Variants in ATXN2L observed in about 807,000 individuals in gnomAD.
ATXN2L encodes ataxin-2-like protein.
In ATXN2L, 24 loss-of-function variants were observed where a neutral mutation model predicts 120.7. That is an observed-to-expected ratio of 0.20 (90% CI 0.14 to 0.28). The LOEUF is 0.28. ATXN2L is among the 10% of genes least tolerant of loss of function. The pLI, the probability that ATXN2L is intolerant of heterozygous loss-of-function variation, is 1.00. For missense variants in ATXN2L, 1,312 were observed against 1,432.3 expected, an observed-to-expected ratio of 0.92 and a Z score of 1.36; for synonymous variants, 653 against 568.1, an observed-to-expected ratio of 1.15 and a Z score of -2.13.
At position 28,823,166 on chromosome 16, in the gene ATXN2L, A is replaced by G; in HGVS notation, c.-94A>G. 3.5e-6 allele frequency: 2 copies of G among 571,858 alleles called. No individual in the cohort carries two copies. Among genetic ancestry groups the G allele is most frequent in the Non-Finnish European group, 4.5e-6 (2 of 445,330 alleles). 35.4% of individuals were successfully genotyped at this position (571,858 alleles called of 1,614,324 possible). A position where few individuals can be genotyped will look rare whatever the true frequency, so the allele number is the denominator to read the frequency against. On this transcript the variant is annotated 5_prime_UTR_variant, in exon 1 of 22. Transcript: ENST00000336783. ...GCCCACGGCGGGCCCCGGCTGCCCGATCCCCCTCGCTTCCCGCGCTCTCCA... is the reference window on the plus strand; with the variant it reads ...GCCCACGGCGGGCCCCGGCTGCCCGGTCCCCCTCGCTTCCCGCGCTCTCCA...
intron 5 of ATXN2L, chr16:28,826,602 CCTGT>C (rs2052115967): frequency 1.7e-6 from 1 of 597,946 alleles, no homozygotes; most frequent in Non-Finnish European, 2.8e-6. Context: ...GCGATGAATT[CCTGT>C]CTGTGTTGTG....
intron 12 of ATXN2L, 115 bp from the exon 13 acceptor site, chr16:28,832,702 C>T (rs2054960091): frequency 1.4e-6 from 2 of 1,408,536 alleles, no homozygotes; most frequent in South Asian, 2.5e-5. Context: ...CTTCTGTGAT[C>T]CTCAAGAGTT....
chr16:28,829,514 A>AG, intron 7 of ATXN2L, 22 bp downstream of exon 7: 1 of 1,513,234 alleles, frequency 6.6e-7, no homozygotes, highest in Non-Finnish European at 9.2e-7. Context: ...GGTGCTCTCC[A>AG]GGTGATGTGT....
chr16:28,836,807 C>G lies in ATXN2L; in HGVS notation c.*542C>G, dbSNP rs757217898. ...TGTCCTGGCCGCGACCTGAGACCTC[C>G]ATGAGTGGAGGGAAGAGTGATCTAT... On this transcript the variant is annotated 3_prime_UTR_variant, in exon 22 of 22. Coordinates refer to ENST00000336783, the MANE Select transcript of ATXN2L (RefSeq NM_007245.4). 2.5e-6 allele frequency: 4 copies of G among 1,613,648 alleles called. No homozygotes were observed. The South Asian group carries it at 4.4e-5, about 18-fold the overall frequency.
rs1596831581 is a variant in ATXN2L at position 28,823,517 on chromosome 16, A to C, written c.258A>C (p.Gln86His). Residue 86 changes from glutamine (Q) to histidine (H), a missense_variant, in exon 1 of 22, where the codon CAA becomes CAC. Physicochemically the swap from Gln to His is conservative, Grantham distance 24. Transcript: ENST00000336783. ...CGCCGCAGCCGCCGCCGCCGCAGCA[A>C]CACCAGGAGAGGCCGGGGGCAGCCG... ...ILAPQPPPPQ[Q>H]HQERPGAAAI... is the part of the protein sequence containing the mutation. 7.2e-7 allele frequency: 1 copy of C among 1,386,394 alleles called. No individual in the cohort carries two copies. Among genetic ancestry groups the C allele is most frequent in the East Asian group, 3.1e-5 (1 of 32,548 alleles). The allele number at this position is 1,386,394 out of a possible 1,614,324, so 85.9% of individuals were successfully genotyped here. A position where few individuals can be genotyped will look rare whatever the true frequency, so the allele number is the denominator to read the frequency against.
chr16:28,833,368 G>C lies in ATXN2L; in HGVS notation c.1955+14G>C. On this transcript the variant is annotated intron_variant, in intron 14 of 21. Transcript: ENST00000336783. ...CCCTGTTGCTGAGTGAGTGGAGCGG[G>C]GTGGGGCTCTGGGAGGATGGCAGGA... The C allele has an allele frequency of 6.2e-7, 1 of 1,613,658 alleles. No homozygotes were observed. Among genetic ancestry groups the C allele is most frequent in the Non-Finnish European group, 8.5e-7 (1 of 1,179,616 alleles).
chr16:28,834,746 C>G, intron 18 of ATXN2L, 53 bp downstream of exon 18: 1 of 1,542,670 alleles, frequency 6.5e-7, no homozygotes, highest in Non-Finnish European at 8.8e-7. Context: ...CTAGGGATCC[C>G]ATCTTCTCCA....
chr16:28,826,974 C>T lies in ATXN2L; in HGVS notation c.729C>T (p.Leu243=), dbSNP rs1357161933. ...GGDSNSDDYD[L]ESDMSNGWDP... ...ACAGCAACAGCGACGACTATGACCT[C>T]GAGTCTGACATGGTATAGCCTCCTT... The change falls in exon 6 of 22, where the codon CTC becomes CTT. Residue 243 remains leucine, a synonymous_variant. Coordinates refer to ENST00000336783, the MANE Select transcript of ATXN2L (RefSeq NM_007245.4). The T allele has an allele frequency of 3.9e-6, 6 of 1,557,338 alleles. No individual in the cohort carries two copies. Among genetic ancestry groups the T allele is most frequent in the Non-Finnish European group, 5.2e-6 (6 of 1,145,940 alleles).
chr16:28,832,830 G>C lies in ATXN2L; in HGVS notation c.1602G>C (p.Gln534His), dbSNP rs1197746963. The change falls in exon 13 of 22, where the codon CAG becomes CAC. Residue 534 changes from glutamine (Q) to histidine (H), a missense_variant. Gln to His is a conservative substitution (Grantham distance 24, BLOSUM62 0). Transcript: ENST00000336783. ...GTTTTCTCATAGTCCCTGGTCTTCA[G>C]AATGAACAGAAACGATTCCAACTGG... is the stretch of plus-strand genomic sequence containing the variant. ...ARIAGKVPGL[Q>H]NEQKRFQLEE... is the part of the protein sequence containing the mutation. 6.2e-7 allele frequency: 1 copy of C among 1,614,156 alleles called. No individual in the cohort carries two copies. The highest frequency in any genetic ancestry group is 8.5e-7 in the Non-Finnish European group (1 of 1,180,016).
intron 5 of ATXN2L, 74 bp downstream of exon 5, chr16:28,826,464 A>G (rs906695941): frequency 1.3e-6 from 2 of 1,511,606 alleles, no homozygotes; most frequent in South Asian, 1.2e-5. Flanking sequence ...GTGCAGGTGG[A>G]ACATGGTGAT....
Position 28,836,797 on chromosome 16 carries a change from C to T in ATXN2L, c.*532C>T. 2 of 1,613,948 alleles carry T rather than the reference C, an allele frequency of 1.2e-6. No homozygotes were observed. The highest frequency in any genetic ancestry group is 8.5e-7 in the Non-Finnish European group (1 of 1,179,940). ...AACTGAAGATTGTCCTGGCCGCGAC[C>T]TGAGACCTCCATGAGTGGAGGGAAG... On this transcript the variant is annotated 3_prime_UTR_variant, in exon 22 of 22. Coordinates refer to ENST00000336783, the MANE Select transcript of ATXN2L (RefSeq NM_007245.4).
rs1185797982 is a variant in ATXN2L, at chr16:28,824,446, C to A, written c.299+888C>A. Reference sequence around the variant, plus strand: ...TGGATGGCTTTTGCGGCTGCGCTGTCCCCCAGCCCCGCCAGCGGCCCCCTC... The same window carrying A: ...TGGATGGCTTTTGCGGCTGCGCTGTACCCCAGCCCCGCCAGCGGCCCCCTC... On this transcript the variant is annotated intron_variant, in intron 1 of 21. Coordinates refer to ENST00000336783, the MANE Select transcript of ATXN2L (RefSeq NM_007245.4). 3 of 1,286,588 alleles carry A rather than the reference C, an allele frequency of 2.3e-6. No individual in the cohort carries two copies. In the Admixed American group the frequency reaches 6.9e-5, roughly 30 times the overall value. The allele number at this position is 1,286,588 out of a possible 1,614,324, so 79.7% of individuals were successfully genotyped here.
Position 28,823,083 on chromosome 16 carries a change from C to G in ATXN2L, c.-177C>G, listed in dbSNP as rs895901189. 2.4e-5 allele frequency: 7 copies of G among 293,502 alleles called. 1 individual carries two copies. Among genetic ancestry groups the G allele is most frequent in the Non-Finnish European group, 3.7e-5 (6 of 163,836 alleles). 18.2% of individuals were successfully genotyped at this position (293,502 alleles called of 1,614,324 possible). A position where few individuals can be genotyped will look rare whatever the true frequency, so the allele number is the denominator to read the frequency against. ...CCCCCTCCCCTTCCGCCTCGCGGCG[C>G]TTCCTCGCGCCGCGGTCTTCTCTCT... is the stretch of plus-strand genomic sequence containing the variant. On this transcript the variant is annotated 5_prime_UTR_variant, in exon 1 of 22. Coordinates refer to ENST00000336783, the MANE Select transcript of ATXN2L (RefSeq NM_007245.4).
In ATXN2L at chr16:28,823,498, A is replaced by G; in HGVS notation, c.239A>G (p.Gln80Arg). 1 of 1,381,944 alleles carries G rather than the reference A, an allele frequency of 7.2e-7. No homozygotes were observed. Among genetic ancestry groups the G allele is most frequent in the Non-Finnish European group, 9.3e-7 (1 of 1,070,510 alleles). The allele number at this position is 1,381,944 out of a possible 1,614,324, so 85.6% of individuals were successfully genotyped here. ...RRGAEGILAP[Q>R]PPPPQQHQER... ...GGAGCCGAAGGCATCTTGGCGCCGC[A>G]GCCGCCGCCGCCGCAGCAACACCAG... The change falls in exon 1 of 22, where the codon CAG (glutamine) becomes CGG (arginine). Residue 80 changes from glutamine (Q) to arginine (R), a missense_variant. Transcript: ENST00000336783.
At position 28,832,802 on chromosome 16, in the gene ATXN2L, A is replaced by T. The variant is rs1330591272; in HGVS notation, c.1589-15A>T. On this transcript the variant is annotated splice_polypyrimidine_tract_variant and intron_variant, in intron 12 of 21. Coordinates refer to ENST00000336783, the MANE Select transcript of ATXN2L (RefSeq NM_007245.4). ...AATGTTTTGTATTTTCTTCTTTTTG[A>T]CTGTTTTCTCATAGTCCCTGGTCTT... 5 of 1,613,318 alleles carry T rather than the reference A, an allele frequency of 3.1e-6. No individual in the cohort carries two copies. The highest frequency in any genetic ancestry group is 3.4e-6 in the Non-Finnish European group (4 of 1,179,492).
rs199783180 is a variant in ATXN2L, at chr16:28,829,458, A to G, written c.799A>G (p.Lys267Glu). ...GTTCAATGAGGAGAACTACGGTGTG[A>G]AGACTACCTATGATAGCAGTCTTTC... ...FKFNEENYGV[K>E]TTYDSSLSSY... is the part of the protein sequence containing the mutation. Residue 267 changes from lysine (K) to glutamate (E), a missense_variant, in exon 7 of 22, where the codon AAG becomes GAG. Physicochemically the swap from Lys to Glu is moderately conservative, Grantham distance 56. Transcript: ENST00000336783. 6.2e-7 allele frequency: 1 copy of G among 1,612,400 alleles called. No homozygotes were observed. The highest frequency in any genetic ancestry group is 8.5e-7 in the Non-Finnish European group (1 of 1,178,400).
intron 20 of ATXN2L, 72 bp downstream of exon 20, chr16:28,835,471 G>T: frequency 6.2e-7 from 1 of 1,611,104 alleles, no homozygotes; most frequent in Non-Finnish European, 8.5e-7. Flanking sequence ...TAGAGCTAGG[G>T]GTCATTTCTG....
At chr16:28,835,870 C>G (rs1186527937) in intron 21 of ATXN2L, 63 bp from the exon 22 acceptor site, 1 of 1,573,150 alleles carries the variant, frequency 6.4e-7, no homozygotes, top group Non-Finnish European at 8.7e-7. Flanking sequence ...CTCCCTAACT[C>G]TGGCTCTCAG....
chr16:28,836,834 T>C lies in ATXN2L; in HGVS notation c.*569T>C, dbSNP rs934230281. The C allele has an allele frequency of 6.2e-7, 1 of 1,604,588 alleles. No individual in the cohort carries two copies. The highest frequency in any genetic ancestry group is 8.5e-7 in the Non-Finnish European group (1 of 1,172,370). Reference sequence around the variant, plus strand: ...TGAGTGGAGGGAAGAGTGATCTATGTCTCTTCCCCCAGCAGCTCGGACCAC... The same window carrying C: ...TGAGTGGAGGGAAGAGTGATCTATGCCTCTTCCCCCAGCAGCTCGGACCAC... On this transcript the variant is annotated 3_prime_UTR_variant, in exon 22 of 22. Coordinates refer to ENST00000336783, the MANE Select transcript of ATXN2L (RefSeq NM_007245.4).
Sources: allele counts gnomAD v4.1 joint callset, GRCh38; gene constraint gnomAD v4.1.1; transcripts MANE v1.5; gene names NCBI Gene and HGNC (gene_info 2026-07-23, HGNC 2026-07-21).